Variants in ASB18 observed in about 807,000 individuals in gnomAD.
ASB18 encodes the protein ankyrin repeat and SOCS box protein 18.
In ASB18, 33 loss-of-function variants were observed where a neutral mutation model predicts 33.4. The observed-to-expected ratio is 0.99, with a 90% confidence interval of 0.75 to 1.32. ASB18 has a LOEUF of 1.32. Ranked by LOEUF, ASB18 falls within the 40% of genes most tolerant of loss-of-function variation. The probability of loss-of-function intolerance (pLI) is 0.00; values close to 1 mark genes in which losing one functional copy is unlikely to be tolerated. For missense variants in ASB18, 694 were observed against 655.5 expected (o/e 1.06, Z -0.64); for synonymous variants, 295 against 307.6 (o/e 0.96, Z 0.43).
chr2:236,242,880 C>A (rs2060627715), intron 1 of ASB18, among the ~76,000 whole-genome samples: 1 of 150,536 alleles, frequency 6.6e-6, no homozygotes, highest in Non-Finnish European at 1.5e-5. Context: ...ATTAGCTGGG[C>A]ATGGTGATAT....
At position 236,237,931 on chromosome 2, in the gene ASB18, A is replaced by AC; in HGVS notation, c.353dup (p.Glu119Ter). On this transcript the variant is annotated frameshift_variant, in exon 3 of 6. Coordinates refer to ENST00000409749, the MANE Select transcript of ASB18 (RefSeq NM_212556.4). LOFTEE classifies it high-confidence loss of function. This position sits in a 1 kb window ranked among gnomAD's most constrained non-coding sequence, Gnocchi z 6.2. Reference sequence around the variant, plus strand: ...CGATGCACAGGGGCGTGGTGAGCTCACGCTTGTACTCCAGGGTCCAGAGGC... The same window carrying AC: ...CGATGCACAGGGGCGTGGTGAGCTCACCGCTTGTACTCCAGGGTCCAGAGGC... 6.6e-7 allele frequency: 1 copy of AC among 1,505,172 alleles called. No individual in the cohort carries two copies. The allele number at this position is 1,505,172 out of a possible 1,614,324, so 93.2% of individuals were successfully genotyped here. A position where few individuals can be genotyped will look rare whatever the true frequency, so the allele number is the denominator to read the frequency against.
Position 236,264,221 on chromosome 2 carries a change from G to T in ASB18, c.125C>A (p.Pro42His). 6.2e-7 allele frequency: 1 copy of T among 1,613,860 alleles called. No individual in the cohort carries two copies. The highest frequency in any genetic ancestry group is 1.1e-5 in the South Asian group (1 of 91,086). ...VRDLICTEITPVDAVIELAND... is the reference protein window; with the variant it reads ...VRDLICTEITHVDAVIELAND... The stretch of plus-strand genomic sequence containing the variant: ...GGCCAGTTCTATCACAGCGTCCACA[G>T]GCGTGATTTCAGTGCAGATTAAATC... Residue 42 changes from proline (P) to histidine (H), a missense_variant, in exon 1 of 6, where the codon CCT becomes CAT. Coordinates refer to ENST00000409749, the MANE Select transcript of ASB18 (RefSeq NM_212556.4). The surrounding 1 kb of genome is among the most constrained non-coding windows in gnomAD (Gnocchi z 5.1).
In ASB18 at chr2:236,221,688, A is replaced by C. The variant is rs573794965; in HGVS notation, c.597-6822T>G. On this transcript the variant is annotated intron_variant, in intron 3 of 5. Coordinates refer to ENST00000409749, the MANE Select transcript of ASB18 (RefSeq NM_212556.4). This position sits in a 1 kb window ranked among gnomAD's most constrained non-coding sequence, Gnocchi z 5.6. ...CAGAAGCGTGAAAACGGACTAATAC[A>C]GCATCTGTCTCCTTAAGTCACCGGA... Among the ~76,000 whole-genome samples the C allele has an allele frequency of 6.6e-6, 1 of 152,160 alleles. No individual in the cohort carries two copies. The highest frequency in any genetic ancestry group is 1.5e-5 in the Non-Finnish European group (1 of 68,022).
rs185573793 is a variant in ASB18, at chr2:236,238,429, C to G, written c.329-473G>C. ...CCTTAGCTGAGCTCCAAACTTGTCCCTTTATCATTAAGAAGAGACAACAGA... is the reference window on the plus strand; with the variant it reads ...CCTTAGCTGAGCTCCAAACTTGTCCGTTTATCATTAAGAAGAGACAACAGA... On this transcript the variant is annotated intron_variant, in intron 2 of 5. Transcript: ENST00000409749. This position sits in a 1 kb window ranked among gnomAD's most constrained non-coding sequence, Gnocchi z 5.2. 3.2e-3 allele frequency among the ~76,000 whole-genome samples: 494 copies of G among 152,248 alleles called. 1 individual carries two copies. Among genetic ancestry groups the G allele is most frequent in the African/African-American group, 0.011 (471 of 41,556 alleles).
chr2:236,219,262 G>T lies in ASB18; in HGVS notation c.597-4396C>A, dbSNP rs921543436. On this transcript the variant is annotated intron_variant, in intron 3 of 5. Transcript: ENST00000409749. This position sits in a 1 kb window ranked among gnomAD's most constrained non-coding sequence, Gnocchi z 6.4. Reference sequence around the variant, plus strand: ...GCTTGTTTCCTTTTTGCCTGCATGCGTTTTTCAAGTTATCCAAAATAAGTC... The same window carrying T: ...GCTTGTTTCCTTTTTGCCTGCATGCTTTTTTCAAGTTATCCAAAATAAGTC... Among the ~76,000 whole-genome samples, 2 of 152,080 alleles carry T rather than the reference G, an allele frequency of 1.3e-5. No individual in the cohort carries two copies. Among genetic ancestry groups the T allele is most frequent in the Admixed American group, 1.3e-4 (2 of 15,252 alleles).
In ASB18 at chr2:236,195,934, C is replaced by T. The variant is rs913482213; in HGVS notation, c.1215+338G>A. The T allele has an allele frequency of 5.6e-5, 20 of 355,088 alleles. No individual in the cohort carries two copies. The East Asian group carries it at 6.8e-4, about 12-fold the overall frequency. 22.0% of individuals were successfully genotyped at this position (355,088 alleles called of 1,614,324 possible). A position where few individuals can be genotyped will look rare whatever the true frequency, so the allele number is the denominator to read the frequency against. ...GGAGCATGAAGCTGACTCACAGGGC[C>T]GGATTAGTATGTCCTGACGTGGAGC... On this transcript the variant is annotated intron_variant, in intron 5 of 5. Coordinates refer to ENST00000409749, the MANE Select transcript of ASB18 (RefSeq NM_212556.4). The surrounding 1 kb of genome is among the most constrained non-coding windows in gnomAD (Gnocchi z 5.5).
At position 236,209,664 on chromosome 2, in the gene ASB18, A is replaced by G. The variant is rs939801377; in HGVS notation, c.1101+4698T>C. Reference sequence around the variant, plus strand: ...AGCCTGTGGTTTCCATCAGCCCCCTACCTGGTGTGTTCTCTACGTCGAGCT... The same window carrying G: ...AGCCTGTGGTTTCCATCAGCCCCCTGCCTGGTGTGTTCTCTACGTCGAGCT... On this transcript the variant is annotated intron_variant, in intron 4 of 5. Coordinates refer to ENST00000409749, the MANE Select transcript of ASB18 (RefSeq NM_212556.4). The surrounding 1 kb of genome is among the most constrained non-coding windows in gnomAD (Gnocchi z 4.4). 2.6e-5 allele frequency among the ~76,000 whole-genome samples: 4 copies of G among 152,098 alleles called. No individual in the cohort carries two copies. Among genetic ancestry groups the G allele is most frequent in the African/African-American group, 9.7e-5 (4 of 41,412 alleles).
Position 236,241,225 on chromosome 2 carries a change from A to G in ASB18, c.328+55T>C. 6.3e-7 allele frequency: 1 copy of G among 1,580,398 alleles called. No individual in the cohort carries two copies. On this transcript the variant is annotated intron_variant, in intron 2 of 5. Coordinates refer to ENST00000409749, the MANE Select transcript of ASB18 (RefSeq NM_212556.4). The surrounding 1 kb of genome is among the most constrained non-coding windows in gnomAD (Gnocchi z 4.2). Reference sequence around the variant, plus strand: ...ACACACGGGAGCCTTACACTCCCAGAGAGTATTAGTAGCCCCTTAAAAATA... The same window carrying G: ...ACACACGGGAGCCTTACACTCCCAGGGAGTATTAGTAGCCCCTTAAAAATA...
rs2060553219 is a variant in ASB18 at position 236,229,032 on chromosome 2, T to C, written c.596+8657A>G. On this transcript the variant is annotated intron_variant, in intron 3 of 5. Transcript: ENST00000409749. The surrounding 1 kb of genome is among the most constrained non-coding windows in gnomAD (Gnocchi z 5.2). Reference sequence around the variant, plus strand: ...CTGAGGCAGGAGAATCATTTGAAACTAGGAGTTTGAGACCATCCTGGGCAG... The same window carrying C: ...CTGAGGCAGGAGAATCATTTGAAACCAGGAGTTTGAGACCATCCTGGGCAG... Among the ~76,000 whole-genome samples the C allele has an allele frequency of 6.6e-6, 1 of 151,976 alleles. No individual in the cohort carries two copies. The highest frequency in any genetic ancestry group is 1.5e-5 in the Non-Finnish European group (1 of 67,974).
At chr2:236,210,688 G>T (rs2060455427) in intron 4 of ASB18, 1 of 152,354 alleles carries the variant, frequency 6.6e-6, no homozygotes. Flanking sequence ...GGCCACGCAT[G>T]CTGACTGCAA....
chr2:236,251,427 C>A lies in ASB18; in HGVS notation c.206-10025G>T, dbSNP rs1450916555. On this transcript the variant is annotated intron_variant, in intron 1 of 5. Coordinates refer to ENST00000409749, the MANE Select transcript of ASB18 (RefSeq NM_212556.4). This position sits in a 1 kb window ranked among gnomAD's most constrained non-coding sequence, Gnocchi z 5.3. Reference sequence around the variant, plus strand: ...TTACATGATAAAATTGCAGCTCCTGCCTCTTGAGACAAATTGCGTGTTCAG... The same window carrying A: ...TTACATGATAAAATTGCAGCTCCTGACTCTTGAGACAAATTGCGTGTTCAG... Among the ~76,000 whole-genome samples the A allele has an allele frequency of 6.6e-6, 1 of 152,210 alleles. No individual in the cohort carries two copies. The highest frequency in any genetic ancestry group is 2.4e-5 in the African/African-American group (1 of 41,452).
At position 236,245,829 on chromosome 2, in the gene ASB18, C is replaced by G. The variant is rs1335290459; in HGVS notation, c.206-4427G>C. 6.6e-6 allele frequency among the ~76,000 whole-genome samples: 1 copy of G among 152,184 alleles called. No homozygotes were observed. Among genetic ancestry groups the G allele is most frequent in the Non-Finnish European group, 1.5e-5 (1 of 68,026 alleles). ...TCTTCAATGCCAACAGTGAAGAGAA[C>G]GAATGGACTGGACTCTTTGAAACTT... On this transcript the variant is annotated intron_variant, in intron 1 of 5. Coordinates refer to ENST00000409749, the MANE Select transcript of ASB18 (RefSeq NM_212556.4). This position sits in a 1 kb window ranked among gnomAD's most constrained non-coding sequence, Gnocchi z 4.7.
chr2:236,224,935 CCAAT>C (rs1249728517), intron 3 of ASB18, among the ~76,000 whole-genome samples: 2 of 152,096 alleles, frequency 1.3e-5, no homozygotes, highest in Non-Finnish European at 2.9e-5. Flanking sequence ...ACTTGAATAA[CCAAT>C]CAGTCACTCA....
In ASB18 at chr2:236,226,977, G is replaced by A. The variant is rs2060544273; in HGVS notation, c.596+10712C>T. 6.6e-6 allele frequency among the ~76,000 whole-genome samples: 1 copy of A among 152,038 alleles called. No individual in the cohort carries two copies. The highest frequency in any genetic ancestry group is 2.4e-5 in the African/African-American group (1 of 41,366). Reference sequence around the variant, plus strand: ...TTGTCAAAACTAAGAAATTAACAATGGTACAAGACTATTAACCAAACTGTT... The same window carrying A: ...TTGTCAAAACTAAGAAATTAACAATAGTACAAGACTATTAACCAAACTGTT... On this transcript the variant is annotated intron_variant, in intron 3 of 5. Coordinates refer to ENST00000409749, the MANE Select transcript of ASB18 (RefSeq NM_212556.4). This position sits in a 1 kb window ranked among gnomAD's most constrained non-coding sequence, Gnocchi z 4.8.
In ASB18 at chr2:236,237,844, G is replaced by A; in HGVS notation, c.441C>T (p.Asp147=). ...GGGCGCCGCGGCCGCCGGGGCTGGC[G>A]TCTGGGTCTGCGCCGCGGCCGAGCA... ...RHLLGRGADP[D]ASPGGRGALH... The change falls in exon 3 of 6, where the codon GAC becomes GAT. Residue 147 remains aspartate, a synonymous_variant. Coordinates refer to ENST00000409749, the MANE Select transcript of ASB18 (RefSeq NM_212556.4). This position sits in a 1 kb window ranked among gnomAD's most constrained non-coding sequence, Gnocchi z 6.2. The A allele has an allele frequency of 2.1e-6, 3 of 1,409,300 alleles. No individual in the cohort carries two copies. The highest frequency in any genetic ancestry group is 1.8e-6 in the Non-Finnish European group (2 of 1,092,210). 87.3% of individuals were successfully genotyped at this position (1,409,300 alleles called of 1,614,324 possible).
Position 236,211,587 on chromosome 2 carries a change from C to T in ASB18, c.1101+2775G>A, listed in dbSNP as rs1244473731. Among the ~76,000 whole-genome samples the T allele has an allele frequency of 6.6e-6, 1 of 152,254 alleles. No homozygotes were observed. Among genetic ancestry groups the T allele is most frequent in the African/African-American group, 2.4e-5 (1 of 41,470 alleles). ...GCTTGCCCTGTGACAGTGCTGGTGA[C>T]TCTACGCTCGGCTCGCCATGGCGCC... On this transcript the variant is annotated intron_variant, in intron 4 of 5. Transcript: ENST00000409749. The surrounding 1 kb of genome is among the most constrained non-coding windows in gnomAD (Gnocchi z 5.0).
At position 236,216,923 on chromosome 2, in the gene ASB18, C is replaced by G. The variant is rs2060490802; in HGVS notation, c.597-2057G>C. ...GACCAGGTATGGTGCTGAGAGCACA[C>G]TCTGCCGTGCCATGCCCCCATGCCC... On this transcript the variant is annotated intron_variant, in intron 3 of 5. Coordinates refer to ENST00000409749, the MANE Select transcript of ASB18 (RefSeq NM_212556.4). This position sits in a 1 kb window ranked among gnomAD's most constrained non-coding sequence, Gnocchi z 6.1. Among the ~76,000 whole-genome samples, 4 of 152,218 alleles carry G rather than the reference C, an allele frequency of 2.6e-5. No individual in the cohort carries two copies. In the South Asian group the frequency reaches 8.3e-4, roughly 32 times the overall value.
rs2060442569 is a variant in ASB18, at chr2:236,208,048, C to G, written c.1101+6314G>C. ...GTTCTTTCTAGACTGGGCATCATAT[C>G]GACATCATAAGAGCTATTATCGGTG... On this transcript the variant is annotated intron_variant, in intron 4 of 5. Coordinates refer to ENST00000409749, the MANE Select transcript of ASB18 (RefSeq NM_212556.4). The surrounding 1 kb of genome is among the most constrained non-coding windows in gnomAD (Gnocchi z 7.7). 6.6e-6 allele frequency among the ~76,000 whole-genome samples: 1 copy of G among 152,012 alleles called. No individual in the cohort carries two copies. The highest frequency in any genetic ancestry group is 6.5e-5 in the Admixed American group (1 of 15,276).
rs1243688604 is a variant in ASB18 at position 236,255,998 on chromosome 2, ATATTTATTTTT to A, written c.205+8132_205+8142del. Among the ~76,000 whole-genome samples the A allele has an allele frequency of 6.6e-6, 1 of 152,054 alleles. No individual in the cohort carries two copies. The highest frequency in any genetic ancestry group is 1.5e-5 in the Non-Finnish European group (1 of 68,024). On this transcript the variant is annotated intron_variant, in intron 1 of 5. Transcript: ENST00000409749. This position sits in a 1 kb window ranked among gnomAD's most constrained non-coding sequence, Gnocchi z 4.4. ...TCTCCCTGTGCTATTTGGTGCATTAATATTTATTTTTTATTTATTTATTTTTAATTTCTATG... is the reference window on the plus strand; with the variant it reads ...TCTCCCTGTGCTATTTGGTGCATTAATATTTATTTATTTTTAATTTCTATG...
Sources: gnomAD v4.1 joint callset for allele counts (sites outside exome capture counted in the v4.1 genomes callset) on GRCh38, gnomAD v4.1.1 for gene constraint, Gnocchi (gnomAD v3.1) non-coding constraint, MANE v1.5 for transcripts, NCBI Gene and HGNC (gene_info 2026-07-23, HGNC 2026-07-21) for gene names.